MYO10: variants seen among roughly 807,000 people sequenced by gnomAD.
MYO10 encodes the protein myosin X, also known as unconventional myosin-X.
MYO10 carries 133 observed loss-of-function variants against 257.3 expected under a neutral mutation model. That is an observed-to-expected ratio of 0.52 (90% CI 0.45 to 0.60). MYO10 has a LOEUF of 0.60. Ranked by LOEUF, MYO10 falls within the 20% of genes least tolerant of loss-of-function variation. MYO10 has a pLI of 0.00. For missense variants in MYO10, 2,399 were observed against 2,635.7 expected (o/e 0.91, Z 1.97); for synonymous variants, 1,104 against 1,028.6 (o/e 1.07, Z -1.40).
chr5:16,730,900 G>A (rs146993802), intron 19 of MYO10, among the ~76,000 whole-genome samples: 1,894 of 152,260 alleles, frequency 0.012, 18 homozygotes, highest in Non-Finnish European at 0.02. Context: ...GTCCTTTGAT[G>A]AATTACAAGG....
intron 3 of MYO10, among the ~76,000 whole-genome samples, chr5:16,802,005 G>A (rs1742134197): frequency 6.6e-6 from 1 of 152,164 alleles, no homozygotes; most frequent in Admixed American, 6.5e-5. Flanking sequence ...AAGACATTAT[G>A]CTAAGTGAAT....
At chr5:16,806,999 C>G (rs976283304) in intron 3 of MYO10, among the ~76,000 whole-genome samples, 7 of 152,128 alleles carry the variant, frequency 4.6e-5, no homozygotes, top group Non-Finnish European at 8.8e-5. Context: ...TCCTGAAAAG[C>G]TGGATGTAGA....
intron 1 of MYO10, among the ~76,000 whole-genome samples, chr5:16,921,831 A>C (rs1235742922): frequency 6.6e-6 from 1 of 152,020 alleles, no homozygotes; most frequent in Non-Finnish European, 1.5e-5. Flanking sequence ...CTAGTGATTC[A>C]AGGCCAGGGA....
chr5:16,699,358 C>A (rs932478632), intron 26 of MYO10, 92 bp downstream of exon 26: 3 of 1,482,516 alleles, frequency 2.0e-6, no homozygotes, highest in Admixed American at 2.0e-5. Flanking sequence ...TACAATAACA[C>A]CTCCGTTATT....
intron 18 of MYO10, among the ~76,000 whole-genome samples, chr5:16,756,723 C>T (rs1477963498): frequency 3.3e-5 from 5 of 152,164 alleles, no homozygotes. Flanking sequence ...CTGGGCTCTT[C>T]TCCTGCCTTC....
intron 1 of MYO10, among the ~76,000 whole-genome samples, chr5:16,902,924 A>G (rs1441792375): frequency 2.0e-5 from 3 of 152,252 alleles, no homozygotes; most frequent in African/African-American, 7.2e-5. Context: ...TGCCAGGCCC[A>G]GAAGGACATG....
chr5:16,857,438 C>CA (rs1459760330), intron 2 of MYO10, among the ~76,000 whole-genome samples: 2 of 152,152 alleles, frequency 1.3e-5, no homozygotes, highest in African/African-American at 4.8e-5. Flanking sequence ...GCATGGATTT[C>CA]AAAAAACAAA....
intron 21 of MYO10, among the ~76,000 whole-genome samples, chr5:16,706,533 G>T (rs1306990765): frequency 6.6e-6 from 1 of 152,120 alleles, no homozygotes; most frequent in Admixed American, 6.5e-5. Flanking sequence ...TCTTATGAGT[G>T]CTTAAAAGGA....
intron 2 of MYO10, among the ~76,000 whole-genome samples, chr5:16,834,936 G>C (rs1743266853): frequency 6.6e-6 from 1 of 152,214 alleles, no homozygotes; most frequent in Non-Finnish European, 1.5e-5. Flanking sequence ...AACACTTTGG[G>C]AGGCCGAGGC....
At chr5:16,839,612 G>A (rs904549938) in intron 2 of MYO10, among the ~76,000 whole-genome samples, 9 of 152,122 alleles carry the variant, frequency 5.9e-5, no homozygotes, top group East Asian at 1.9e-4. Context: ...GCACGGTGGC[G>A]TATGCCTGCA....
At chr5:16,922,664 A>C (rs770218950) in intron 1 of MYO10, among the ~76,000 whole-genome samples, 1 of 152,196 alleles carries the variant, frequency 6.6e-6, no homozygotes, top group Non-Finnish European at 1.5e-5. Flanking sequence ...CAAAGTGTTC[A>C]TGTATCTACT....
chr5:16,762,086 C>T lies in MYO10; in HGVS notation c.1615G>A (p.Val539Ile). The T allele has an allele frequency of 1.9e-6, 2 of 1,045,516 alleles. No homozygotes were observed. Among genetic ancestry groups the T allele is most frequent in the Non-Finnish European group, 2.7e-6 (2 of 752,652 alleles). 64.8% of individuals were successfully genotyped at this position (1,045,516 alleles called of 1,614,324 possible). ...ANNHFYVKPR[V>I]AVNNFGVKHY... is the part of the protein sequence containing the mutation. ...TTCACTCCAAAATTGTTAACTGCAA[C>T]TCTGGGCTTCACATAAAAGTGGTTA... is the stretch of plus-strand genomic sequence containing the variant. The change falls in exon 16 of 41, where the codon GTT (valine) becomes ATT (isoleucine). Residue 539 changes from valine (V) to isoleucine (I), a missense_variant. Transcript: ENST00000513610.
At chr5:16,840,713 T>C (rs1216105754) in intron 2 of MYO10, among the ~76,000 whole-genome samples, 1 of 151,798 alleles carries the variant, frequency 6.6e-6, no homozygotes. Flanking sequence ...ATTTTTGTTG[T>C]GCAATATGCA....
intron 3 of MYO10, among the ~76,000 whole-genome samples, chr5:16,795,253 G>A (rs566408676): frequency 4.1e-4 from 63 of 152,324 alleles, no homozygotes; most frequent in Non-Finnish European, 8.2e-4. Context: ...AGGGGTTGGG[G>A]GAGAAGGACA....
At chr5:16,732,093 A>G (rs899882323) in intron 19 of MYO10, among the ~76,000 whole-genome samples, 1 of 152,176 alleles carries the variant, frequency 6.6e-6, no homozygotes, top group Non-Finnish European at 1.5e-5. Context: ...GAAGGGGAAC[A>G]TTTCATATTT....
At chr5:16,826,465 C>T (rs1021234204) in intron 2 of MYO10, among the ~76,000 whole-genome samples, 9 of 152,248 alleles carry the variant, frequency 5.9e-5, no homozygotes, top group Middle Eastern at 3.4e-3. Context: ...GAACAGAATA[C>T]AAAGAACAAC....
In MYO10 at chr5:16,935,870, G is replaced by A. The variant is rs923228442; in HGVS notation, c.-62C>T. 4.8e-5 allele frequency: 76 copies of A among 1,597,490 alleles called. No homozygotes were observed. Among genetic ancestry groups the A allele is most frequent in the Non-Finnish European group, 6.5e-5 (76 of 1,172,270 alleles). ...CCGACTCGCGGAAGTCAGCGCCGCCGCGGGTCCGGGGAAACCATGCGTGTC... is the reference window on the plus strand; with the variant it reads ...CCGACTCGCGGAAGTCAGCGCCGCCACGGGTCCGGGGAAACCATGCGTGTC... On this transcript the variant is annotated 5_prime_UTR_variant, in exon 1 of 41. Transcript: ENST00000513610.
intron 19 of MYO10, among the ~76,000 whole-genome samples, chr5:16,733,917 G>C (rs1051862889): frequency 6.6e-6 from 1 of 152,070 alleles, no homozygotes; most frequent in African/African-American, 2.4e-5. Context: ...TGGGTGACTC[G>C]AACTGCTTAA....
At chr5:16,909,668 G>A (rs29451) in intron 1 of MYO10, among the ~76,000 whole-genome samples, 91,336 of 151,812 alleles carry the variant, frequency 0.6, 27,702 homozygotes, top group Admixed American at 0.67. Flanking sequence ...ATGAGATTTG[G>A]GTTGGGACAC....
Sources: allele counts gnomAD v4.1 joint callset (sites outside exome capture counted in the v4.1 genomes callset), GRCh38; gene constraint gnomAD v4.1.1; transcripts MANE v1.5; gene names NCBI Gene and HGNC (gene_info 2026-07-23, HGNC 2026-07-21).